PLGRKT: variants seen among roughly 807,000 people sequenced by gnomAD.
PLGRKT encodes the protein plasminogen receptor (KT).
In PLGRKT, 22 loss-of-function variants were observed where a neutral mutation model predicts 18.5. That is an observed-to-expected ratio of 1.19 (90% CI 0.85 to 1.70). PLGRKT has a LOEUF of 1.70. Ranked by LOEUF, PLGRKT falls within the 40% of genes most tolerant of loss-of-function variation. The pLI is 0.00. For missense variants in PLGRKT, 235 were observed against 174.4 expected (o/e 1.35, Z -1.96); for synonymous variants, 72 against 52.8 (o/e 1.36, Z -1.58).
At chr9:5,419,566 A>T (rs79129869) in intron 3 of PLGRKT, among the ~76,000 whole-genome samples, 1 of 152,218 alleles carries the variant, frequency 6.6e-6, no homozygotes, top group African/African-American at 2.4e-5. Context: ...TAGAACTGAC[A>T]TTTCGCCAAA....
chr9:5,379,415 C>T (rs966313247), intron 3 of PLGRKT, among the ~76,000 whole-genome samples: 4 of 152,170 alleles, frequency 2.6e-5, no homozygotes, highest in Non-Finnish European at 4.4e-5. Context: ...TGAATATTTA[C>T]ATTAAGATTA....
At chr9:5,368,891 A>G (rs1480297505) in intron 3 of PLGRKT, among the ~76,000 whole-genome samples, 1 of 152,202 alleles carries the variant, frequency 6.6e-6, no homozygotes, top group Non-Finnish European at 1.5e-5. Flanking sequence ...TGTTGGGAAA[A>G]CTGGCTAGCC....
At chr9:5,419,740 C>T (rs1486249002) in intron 3 of PLGRKT, among the ~76,000 whole-genome samples, 1 of 151,994 alleles carries the variant, frequency 6.6e-6, no homozygotes, top group Non-Finnish European at 1.5e-5. Flanking sequence ...TTGGTGACGA[C>T]ATAAAAAATG....
chr9:5,397,385 C>T lies in PLGRKT; in HGVS notation c.81+34512G>A, dbSNP rs78603829. ...TTAGTGTTCATCATAGCACTTAGCT[C>T]GATTTACACTTTGTATTTCTTTAAA... On this transcript the variant is annotated intron_variant, in intron 3 of 5. Coordinates refer to ENST00000223864, the MANE Select transcript of PLGRKT (RefSeq NM_018465.4). Among the ~76,000 whole-genome samples, 715 of 151,962 alleles carry T rather than the reference C, an allele frequency of 4.7e-3. 18 individuals are homozygous for T. Among genetic ancestry groups the T allele is most frequent in the African/African-American group, 0.017 (698 of 41,256 alleles).
intron 3 of PLGRKT, among the ~76,000 whole-genome samples, chr9:5,400,744 G>A (rs1439736798): frequency 6.6e-6 from 1 of 151,938 alleles, no homozygotes; most frequent in Non-Finnish European, 1.5e-5. Flanking sequence ...TGTTTAATAA[G>A]CATTGAATAA....
At chr9:5,364,101 C>G (rs537070577) in intron 3 of PLGRKT, among the ~76,000 whole-genome samples, 162 of 152,272 alleles carry the variant, frequency 1.1e-3, no homozygotes, top group African/African-American at 3.8e-3. Flanking sequence ...ACCTTTGCTG[C>G]ACATCATGAG....
intron 3 of PLGRKT, among the ~76,000 whole-genome samples, chr9:5,386,143 T>C (rs1182796473): frequency 1.3e-5 from 2 of 152,006 alleles, no homozygotes; most frequent in Middle Eastern, 3.4e-3. Flanking sequence ...GTCCTTTTTC[T>C]CTGACCCAGG....
intron 3 of PLGRKT, among the ~76,000 whole-genome samples, chr9:5,410,818 G>A (rs185376501): frequency 7.2e-5 from 11 of 152,072 alleles, no homozygotes; most frequent in East Asian, 1.9e-4. Context: ...TCAAATAAGC[G>A]TTTACAAATG....
At chr9:5,435,840 G>C (rs1000858397) in intron 2 of PLGRKT, among the ~76,000 whole-genome samples, 1 of 152,222 alleles carries the variant, frequency 6.6e-6, no homozygotes, top group African/African-American at 2.4e-5. Context: ...ATTCATTACA[G>C]CCAGGATTCC....
intron 3 of PLGRKT, among the ~76,000 whole-genome samples, chr9:5,396,688 A>G (rs571344776): frequency 2.7e-4 from 41 of 152,036 alleles, no homozygotes; most frequent in Non-Finnish European, 5.3e-4. Flanking sequence ...GGCATTTAAA[A>G]ATAATAAATA....
chr9:5,359,878 T>G (rs1366124648), intron 5 of PLGRKT, among the ~76,000 whole-genome samples: 1 of 152,216 alleles, frequency 6.6e-6, no homozygotes, highest in Non-Finnish European at 1.5e-5. Flanking sequence ...AATATATATG[T>G]TTATTACACG....
chr9:5,386,165 T>C (rs1016866101), intron 3 of PLGRKT, among the ~76,000 whole-genome samples: 2 of 151,890 alleles, frequency 1.3e-5, no homozygotes, highest in Non-Finnish European at 1.5e-5. Flanking sequence ...GTCATGTGTC[T>C]TCCACCAGCA....
At chr9:5,366,862 A>C (rs1817400498) in intron 3 of PLGRKT, among the ~76,000 whole-genome samples, 1 of 152,146 alleles carries the variant, frequency 6.6e-6, no homozygotes, top group South Asian at 2.1e-4. Context: ...TGCTGCCAAG[A>C]GGCTCCTACC....
intron 3 of PLGRKT, among the ~76,000 whole-genome samples, chr9:5,419,807 G>C (rs1303587141): frequency 6.6e-6 from 1 of 152,224 alleles, no homozygotes; most frequent in African/African-American, 2.4e-5. Context: ...GTGGAAAAGA[G>C]TTTGGTGGTT....
intron 3 of PLGRKT, among the ~76,000 whole-genome samples, chr9:5,430,379 T>A (rs556183002): frequency 6.6e-6 from 1 of 152,342 alleles, no homozygotes; most frequent in East Asian, 1.9e-4. Context: ...TGGTCTCGCC[T>A]AGGTCACTGC....
At chr9:5,404,276 G>C (rs1165128015) in intron 3 of PLGRKT, among the ~76,000 whole-genome samples, 1 of 152,178 alleles carries the variant, frequency 6.6e-6, no homozygotes, top group Non-Finnish European at 1.5e-5. Context: ...CTCATTCTAT[G>C]AGGACAGCAT....
At chr9:5,438,245 C>G (rs1819001008), upstream of PLGRKT, among the ~76,000 whole-genome samples, 1 of 152,194 alleles carries the variant, frequency 6.6e-6, no homozygotes, top group Non-Finnish European at 1.5e-5. Flanking sequence ...GTCTTTCTCC[C>G]CTGCTGCTCA....
chr9:5,367,684 A>C (rs1418413548), intron 3 of PLGRKT, among the ~76,000 whole-genome samples: 1 of 152,156 alleles, frequency 6.6e-6, no homozygotes. Context: ...ATCTTGGCAA[A>C]GAATTTATGA....
chr9:5,421,122 G>A (rs565732799), intron 3 of PLGRKT, among the ~76,000 whole-genome samples: 26 of 152,280 alleles, frequency 1.7e-4, no homozygotes, highest in African/African-American at 6.0e-4. Flanking sequence ...AGGCTTGAGC[G>A]ACCTCTGACC....
Sources: allele counts gnomAD v4.1 joint callset (sites outside exome capture counted in the v4.1 genomes callset), GRCh38; gene constraint gnomAD v4.1.1; transcripts MANE v1.5; gene names NCBI Gene and HGNC (gene_info 2026-07-23, HGNC 2026-07-21).